Variants in MED16 observed in about 807,000 individuals in gnomAD.
MED16 encodes mediator complex subunit 16, also known as mediator of RNA polymerase II transcription subunit 16.
A neutral mutation model predicts 84.4 loss-of-function variants in MED16; 81 were observed. The observed-to-expected ratio is 0.96, with a 90% CI of 0.80 to 1.15. MED16 has a LOEUF of 1.15. Among genes scored for constraint, MED16 ranks in the 50% most tolerant of loss-of-function variants. The pLI is 0.00. For synonymous variants in MED16, 897 were observed against 552.2 expected (o/e 1.62, Z -8.76); for missense variants, 1,585 against 1,245.9 (o/e 1.27, Z -4.10).
chr19:876,311 T>C (rs1599325751), intron 9 of MED16, among the ~76,000 whole-genome samples: 1 of 152,122 alleles, frequency 6.6e-6, no homozygotes, highest in South Asian at 2.1e-4. Flanking sequence ...GGGACCCTTC[T>C]GGCACGTGGG....
chr19:877,895 A>T (rs1599329023), intron 8 of MED16, among the ~76,000 whole-genome samples: 1 of 132,678 alleles, frequency 7.5e-6, no homozygotes, highest in African/African-American at 2.9e-5. Context: ...GTCAATGCCC[A>T]CCAGCCCCAG....
intron 7 of MED16, among the ~76,000 whole-genome samples, chr19:881,039 AG>A (rs2036410567): frequency 6.6e-6 from 1 of 152,156 alleles, no homozygotes; most frequent in South Asian, 2.1e-4. Flanking sequence ...AACAGCCCTG[AG>A]CCCCGAGCGG....
intron 13 of MED16, among the ~76,000 whole-genome samples, chr19:870,197 G>C (rs1018067177): frequency 2.6e-5 from 4 of 152,184 alleles, no homozygotes; most frequent in Non-Finnish European, 5.9e-5. Context: ...TGACATCCAG[G>C]GGGGCCAGAG....
chr19:887,074 T>C (rs1240254704), intron 4 of MED16, among the ~76,000 whole-genome samples: 1 of 150,750 alleles, frequency 6.6e-6, no homozygotes. Flanking sequence ...AGCAAAACTT[T>C]GTCTCAAAAA....
intron 8 of MED16, among the ~76,000 whole-genome samples, chr19:877,794 C>A (rs1318471609): frequency 3.1e-4 from 38 of 120,808 alleles, no homozygotes; most frequent in East Asian, 4.8e-4. Context: ...CCAGCCCCAG[C>A]CCCACGTGCC....
chr19:868,276 G>A lies in MED16; in HGVS notation c.2484-25C>T, dbSNP rs142982212. The A allele has an allele frequency of 8.5e-3, 13,516 of 1,588,658 alleles. 75 individuals are homozygous for A. Among genetic ancestry groups the A allele is most frequent in the Non-Finnish European group, 0.01 (12,169 of 1,170,062 alleles). On this transcript the variant is annotated intron_variant, in intron 15 of 15. Coordinates refer to ENST00000325464, the MANE Select transcript of MED16 (RefSeq NM_005481.3). ...CCTGCAGGGCGGGCTGAGGTTAACCGCGCCGAGGAGAGTCCAGGGCGAGCG... is the reference window on the plus strand; with the variant it reads ...CCTGCAGGGCGGGCTGAGGTTAACCACGCCGAGGAGAGTCCAGGGCGAGCG...
chr19:868,207 G>A lies in MED16; in HGVS notation c.2528C>T (p.Ala843Val), dbSNP rs759381959. ...RGPDACVTSRASEEAPAFVQL... is the reference protein window; with the variant it reads ...RGPDACVTSRVSEEAPAFVQL... ...GACAAAGGCAGGGGCTTCCTCAGAAGCTCTGCTGGTCACGCAGGCGTCCGG... is the reference window on the plus strand; with the variant it reads ...GACAAAGGCAGGGGCTTCCTCAGAAACTCTGCTGGTCACGCAGGCGTCCGG... The change falls in exon 16 of 16, where the codon GCT becomes GTT. Residue 843 changes from alanine to valine, a missense_variant. Physicochemically the swap from Ala to Val is moderately conservative, Grantham distance 64 (BLOSUM62 0). Transcript: ENST00000325464. 4 of 1,604,132 alleles carry A rather than the reference G, an allele frequency of 2.5e-6. No homozygotes were observed. The Admixed American group carries it at 5.1e-5, about 21-fold the overall frequency.
Position 868,161 on chromosome 19 carries a change from T to A in MED16, c.2574A>T (p.Thr858=). 6.2e-7 allele frequency: 1 copy of A among 1,611,674 alleles called. No homozygotes were observed. Among genetic ancestry groups the A allele is most frequent in the Non-Finnish European group, 8.5e-7 (1 of 1,179,522 alleles). ...PAFVQLGPQS[T]HHSPRTPRSL... is the part of the protein sequence containing the mutation. ...ATCTGGGGGTCCTGGGAGAGTGGTG[T>A]GTGGACTGCGGGCCCAGCTGGACAA... Residue 858 remains threonine, a synonymous_variant, in exon 16 of 16, where the codon ACA becomes ACT. Coordinates refer to ENST00000325464, the MANE Select transcript of MED16 (RefSeq NM_005481.3).
chr19:889,831 C>A (rs768467810), intron 3 of MED16, 24 bp from the exon 4 acceptor site: 1 of 1,596,454 alleles, frequency 6.3e-7, no homozygotes, highest in Non-Finnish European at 8.5e-7. Flanking sequence ...GCCATCATTG[C>A]GAACCTTCCA....
intron 6 of MED16, among the ~76,000 whole-genome samples, chr19:882,006 G>A (rs959901392): frequency 3.3e-5 from 5 of 152,246 alleles, no homozygotes; most frequent in African/African-American, 1.2e-4. Flanking sequence ...GGGAGACGGC[G>A]CCACCTCAGA....
intron 7 of MED16, among the ~76,000 whole-genome samples, chr19:880,535 T>TG (rs765286348): frequency 6.6e-6 from 1 of 151,332 alleles, no homozygotes; most frequent in Non-Finnish European, 1.5e-5. Context: ...TCACTCACAC[T>TG]GGGGTCTGCC....
At chr19:868,820 A>G in intron 14 of MED16, 43 bp downstream of exon 14, 1 of 1,532,362 alleles carries the variant, frequency 6.5e-7, no homozygotes, top group Non-Finnish European at 8.8e-7. Context: ...AGCCATCCCC[A>G]GCGGCACATC....
Position 884,913 on chromosome 19 carries a change from G to C in MED16, c.975C>G (p.Ile325Met). ...GLPVNNIFQQISPVVGDKQPT... is the reference protein window; with the variant it reads ...GLPVNNIFQQMSPVVGDKQPT... ...CGGCGGGAGACTCACCCACGGGGGA[G>C]ATCTGCTGGAAGATGTTGTTCACGG... is the stretch of plus-strand genomic sequence containing the variant. The change falls in exon 6 of 16, where the codon ATC becomes ATG. Residue 325 changes from isoleucine to methionine, a missense_variant. Physicochemically the swap from Ile to Met is conservative, Grantham distance 10. Coordinates refer to ENST00000325464, the MANE Select transcript of MED16 (RefSeq NM_005481.3). 1.9e-6 allele frequency: 3 copies of C among 1,607,736 alleles called. 1 individual carries two copies. The highest frequency in any genetic ancestry group is 2.2e-5 in the South Asian group (2 of 90,518).
intron 4 of MED16, among the ~76,000 whole-genome samples, chr19:887,014 G>A (rs889098977): frequency 8.0e-5 from 12 of 150,256 alleles, no homozygotes; most frequent in African/African-American, 2.7e-4. Context: ...AGGAGGTGGT[G>A]ATTGCAGTGA....
rs528833763 is a variant in MED16, at chr19:889,548, T to C, written c.447+90A>G. The C allele has an allele frequency of 4.2e-3, 6,134 of 1,475,728 alleles. 11 individuals are homozygous for C. The highest frequency in any genetic ancestry group is 5.0e-3 in the Non-Finnish European group (5,524 of 1,097,010). The allele number at this position is 1,475,728 out of a possible 1,614,324, so 91.4% of individuals were successfully genotyped here. The stretch of plus-strand genomic sequence containing the variant: ...GTGCAAGGTCCAAAAAACCAGGGGA[T>C]GCTGGTGATGGAGAGGAGAGGGGCT... On this transcript the variant is annotated intron_variant, in intron 4 of 15. Transcript: ENST00000325464.
At chr19:871,513 CTG>C (rs1202314023) in intron 12 of MED16, 5 of 1,543,896 alleles carry the variant, frequency 3.2e-6, no homozygotes, top group Non-Finnish European at 4.4e-6. Context: ...GTGGGAAGCA[CTG>C]TGCCTTTTCC....
intron 6 of MED16, among the ~76,000 whole-genome samples, chr19:882,394 G>A (rs1039369890): frequency 1.2e-5 from 1 of 85,698 alleles, no homozygotes; most frequent in Admixed American, 9.8e-5. Context: ...ATGCACGCCT[G>A]CACACGCCTG....
chr19:875,380 G>A lies in MED16; in HGVS notation c.1635C>T (p.Cys545=), dbSNP rs111940149. 15,489 of 1,609,172 alleles carry A rather than the reference G, an allele frequency of 9.6e-3. 97 individuals are homozygous for A. The highest frequency in any genetic ancestry group is 0.014 in the Middle Eastern group (84 of 6,006). ...TGAGGAAGAGCTTGGTGTGGTAGTC[G>A]CACACGCGGGTCACCGTGCAGGGCG... ...KLSPCTVTRV[C]DYHTKLFLIA... is the part of the protein sequence containing the mutation. The change falls in exon 10 of 16, where the codon TGC becomes TGT. Residue 545 remains cysteine (C), a synonymous_variant. Coordinates refer to ENST00000325464, the MANE Select transcript of MED16 (RefSeq NM_005481.3).
At chr19:886,465 G>A (rs565629877) in intron 4 of MED16, among the ~76,000 whole-genome samples, 1 of 152,368 alleles carries the variant, frequency 6.6e-6, no homozygotes, top group Non-Finnish European at 1.5e-5. Flanking sequence ...CGCAACGGGA[G>A]TCACCTCCCC....
Sources: gnomAD v4.1 joint callset for allele counts (sites outside exome capture counted in the v4.1 genomes callset) on GRCh38, gnomAD v4.1.1 for gene constraint, MANE v1.5 for transcripts, NCBI Gene and HGNC (gene_info 2026-07-23, HGNC 2026-07-21) for gene names.